Variants in ROS1 observed in about 807,000 individuals in gnomAD.
ROS1 encodes the protein proto-oncogene tyrosine-protein kinase ROS.
In ROS1, 263 loss-of-function variants were observed where a neutral mutation model predicts 273.5. The observed-to-expected ratio is 0.96, with a 90% CI of 0.87 to 1.06. The LOEUF is 1.06. Among genes scored for constraint, ROS1 ranks in the 50% least tolerant of loss-of-function variants. The probability of loss-of-function intolerance (pLI) is 0.00; values close to 1 mark genes in which losing one functional copy is unlikely to be tolerated. For synonymous variants in ROS1, 1,008 were observed against 954.1 expected (o/e 1.06, Z -1.04); for missense variants, 2,833 against 2,751.1 (o/e 1.03, Z -0.67).
At position 117,341,575 on chromosome 6, in the gene ROS1, A is replaced by G. The variant is rs767933411; in HGVS notation, c.4709T>C (p.Ile1570Thr). 8.1e-6 allele frequency: 13 copies of G among 1,613,838 alleles called. No individual in the cohort carries two copies. The highest frequency in any genetic ancestry group is 8.5e-6 in the Non-Finnish European group (10 of 1,179,784). Reference protein sequence around the residue: ...TTVRSDTSLIISWRESHKPNG... With the variant: ...TTVRSDTSLITSWRESHKPNG... ...TGGCTTGTGAGATTCTCTCCAAGATATAATGAGGCTGGTGTCTGACCGCAC... is the reference window on the plus strand; with the variant it reads ...TGGCTTGTGAGATTCTCTCCAAGATGTAATGAGGCTGGTGTCTGACCGCAC... The change falls in exon 30 of 44, where the codon ATA (isoleucine) becomes ACA (threonine). Residue 1570 changes from isoleucine to threonine, a missense_variant. Transcript: ENST00000368507.
rs1226545186 is a variant in ROS1 at position 117,344,078 on chromosome 6, G to C, written c.4488C>G (p.Asp1496Glu). 1 of 1,613,108 alleles carries C rather than the reference G, an allele frequency of 6.2e-7. No homozygotes were observed. The highest frequency in any genetic ancestry group is 8.5e-7 in the Non-Finnish European group (1 of 1,179,310). Residue 1496 changes from aspartate to glutamate, a missense_variant, in exon 28 of 44, where the codon GAC (aspartate) becomes GAG (glutamate). Asp to Glu is a conservative substitution (Grantham distance 45). Transcript: ENST00000368507. Reference protein sequence around the residue: ...AEVNDRKNSSDLKYRILEFQD... With the variant: ...AEVNDRKNSSELKYRILEFQD... ...ATCTTACCAGAATTCTATATTTCAAGTCAGAGCTGTTTTTCCTGTCATTAA... is the reference window on the plus strand; with the variant it reads ...ATCTTACCAGAATTCTATATTTCAACTCAGAGCTGTTTTTCCTGTCATTAA...
chr6:117,404,337 T>C lies in ROS1; in HGVS notation c.408A>G (p.Val136=), dbSNP rs1192199338. 14 of 1,613,974 alleles carry C rather than the reference T, an allele frequency of 8.7e-6. No individual in the cohort carries two copies. The highest frequency in any genetic ancestry group is 1.6e-4 in the Middle Eastern group (1 of 6,082). ...CATATTTCCACTGAATGATGTATTT[T>C]ACTCCAGAGAAGTTTGCAGATTTCC... ...LRWKSANFSG[V]KYIIQWKYAQ... Residue 136 remains valine, a synonymous_variant, in exon 6 of 44, where the codon GTA becomes GTG. Coordinates refer to ENST00000368507, the MANE Select transcript of ROS1 (RefSeq NM_001378902.1).
At chr6:117,294,996 G>C (rs924027518) in intron 43 of ROS1, among the ~76,000 whole-genome samples, 1 of 152,094 alleles carries the variant, frequency 6.6e-6, no homozygotes, top group Non-Finnish European at 1.5e-5. Context: ...ACTCGGAATA[G>C]CCAAAGCTAT....
intron 34 of ROS1, among the ~76,000 whole-genome samples, chr6:117,325,452 A>G (rs1278506320): frequency 6.6e-6 from 1 of 152,170 alleles, no homozygotes; most frequent in Non-Finnish European, 1.5e-5. Context: ...ATAAACCACA[A>G]TTGGAGGATA....
chr6:117,398,084 T>G (rs1199247521), intron 7 of ROS1, among the ~76,000 whole-genome samples: 2 of 152,168 alleles, frequency 1.3e-5, no homozygotes, highest in Non-Finnish European at 2.9e-5. Context: ...GCATCACTCC[T>G]CGGCTCCATG....
chr6:117,391,253 T>C (rs1351978693), intron 12 of ROS1, among the ~76,000 whole-genome samples: 1 of 152,250 alleles, frequency 6.6e-6, no homozygotes, highest in Non-Finnish European at 1.5e-5. Context: ...ACAGCTTGGC[T>C]CTTAATTTTC....
intron 21 of ROS1, 116 bp downstream of exon 21, chr6:117,364,944 A>C: frequency 1.0e-6 from 1 of 959,566 alleles, no homozygotes; most frequent in Non-Finnish European, 1.6e-6. Flanking sequence ...AAGGGTATTG[A>C]ATCTAAACAC....
chr6:117,356,580 G>A (rs1240864281), intron 26 of ROS1, 49 bp downstream of exon 26: 37 of 1,529,914 alleles, frequency 2.4e-5, no homozygotes, highest in Non-Finnish European at 3.3e-5. Context: ...TGCAGTTGAA[G>A]GGGCTGCTCT....
intron 7 of ROS1, among the ~76,000 whole-genome samples, chr6:117,402,372 C>A (rs1774015759): frequency 6.6e-6 from 1 of 152,080 alleles, no homozygotes; most frequent in African/African-American, 2.4e-5. Flanking sequence ...TCCTTTAAGT[C>A]TTTGCTCAAA....
chr6:117,423,032 A>G (rs1000486661), intron 1 of ROS1, among the ~76,000 whole-genome samples: 1 of 152,118 alleles, frequency 6.6e-6, no homozygotes, highest in African/African-American at 2.4e-5. Context: ...ATTCAAAAAA[A>G]AAAGGGGGTT....
intron 43 of ROS1, among the ~76,000 whole-genome samples, chr6:117,296,963 A>T (rs1043446341): frequency 2.6e-5 from 4 of 152,146 alleles, no homozygotes; most frequent in Non-Finnish European, 5.9e-5. Flanking sequence ...AAATAAATTT[A>T]AAAAATAATA....
chr6:117,387,763 C>T lies in ROS1; in HGVS notation c.1999+17G>A, dbSNP rs1366200556. 1.2e-6 allele frequency: 2 copies of T among 1,606,986 alleles called. No individual in the cohort carries two copies. The highest frequency in any genetic ancestry group is 1.7e-6 in the Non-Finnish European group (2 of 1,177,430). On this transcript the variant is annotated intron_variant, in intron 14 of 43. Transcript: ENST00000368507. Reference sequence around the variant, plus strand: ...TTTTTGTGAGAGTCACTCCCTAAATCCAGAACATTTTCTCACCTGGCACCA... The same window carrying T: ...TTTTTGTGAGAGTCACTCCCTAAATTCAGAACATTTTCTCACCTGGCACCA...
intron 30 of ROS1, 30 bp from the exon 31 acceptor site, chr6:117,341,341 C>T (rs1280959551): frequency 4.3e-6 from 7 of 1,612,246 alleles, no homozygotes; most frequent in African/African-American, 1.3e-5. Context: ...ATTGCTTAAC[C>T]TTTTGAGAGC....
At chr6:117,357,520 A>G (rs1330709874) in intron 25 of ROS1, among the ~76,000 whole-genome samples, 1 of 152,194 alleles carries the variant, frequency 6.6e-6, no homozygotes, top group Non-Finnish European at 1.5e-5. Context: ...GTACTTGCCA[A>G]CTGATGATGT....
At chr6:117,349,711 A>T (rs9374651) in intron 27 of ROS1, among the ~76,000 whole-genome samples, 106,958 of 151,662 alleles carry the variant, frequency 0.71, 37,890 homozygotes, top group East Asian at 0.84. Context: ...GATTCTATTT[A>T]CTCTCCTTTC....
intron 43 of ROS1, among the ~76,000 whole-genome samples, chr6:117,292,944 A>C (rs1341065689): frequency 6.6e-6 from 1 of 152,098 alleles, no homozygotes; most frequent in African/African-American, 2.4e-5. Context: ...GTGACCAATA[A>C]CCCTCCAATT....
chr6:117,338,436 A>G (rs1038786849), intron 31 of ROS1, among the ~76,000 whole-genome samples: 2 of 151,980 alleles, frequency 1.3e-5, no homozygotes, highest in African/African-American at 2.4e-5. Context: ...TCATAAATGT[A>G]TCAATCCTGC....
At chr6:117,404,615 A>T (rs953769962) in intron 5 of ROS1, among the ~76,000 whole-genome samples, 187 bp from the exon 6 acceptor site, 4 of 152,120 alleles carry the variant, frequency 2.6e-5, no homozygotes, top group Non-Finnish European at 5.9e-5. Context: ...TCAGTCTGTC[A>T]GTCTTTTTTC....
intron 27 of ROS1, among the ~76,000 whole-genome samples, chr6:117,346,265 T>TA (rs1649462470): frequency 6.6e-6 from 1 of 152,130 alleles, no homozygotes; most frequent in Non-Finnish European, 1.5e-5. Context: ...TTTTTTTTTT[T>TA]ATCCCATACA....
Sources: allele counts gnomAD v4.1 joint callset (sites outside exome capture counted in the v4.1 genomes callset), GRCh38; gene constraint gnomAD v4.1.1; transcripts MANE v1.5; gene names NCBI Gene and HGNC (gene_info 2026-07-23, HGNC 2026-07-21).